Variants in ADAM12 observed in about 807,000 individuals in gnomAD.
The protein encoded by ADAM12 is ADAM metallopeptidase domain 12, also known as disintegrin and metalloproteinase domain-containing protein 12.
A neutral mutation model predicts 106.4 loss-of-function variants in ADAM12; 70 were observed. The ratio of observed to expected loss-of-function variants is 0.66; its 90% CI spans 0.54 to 0.80. The LOEUF (loss-of-function observed/expected upper bound fraction) is 0.80, where lower values mean the gene tolerates loss of function less well. Among genes scored for constraint, ADAM12 ranks in the 30% least tolerant of loss-of-function variants. ADAM12 has a pLI of 0.00. For synonymous variants in ADAM12, 420 were observed against 433.5 expected, an observed-to-expected ratio of 0.97 and a Z score of 0.39; for missense variants, 1,010 against 1,171.9, an observed-to-expected ratio of 0.86 and a Z score of 2.02.
chr10:126,181,948 T>A (rs945235882), intron 3 of ADAM12, among the ~76,000 whole-genome samples: 3 of 152,150 alleles, frequency 2.0e-5, no homozygotes, highest in Non-Finnish European at 2.9e-5. Context: ...CATCCATTAG[T>A]CTGCTGCCTA....
chr10:126,029,765 G>T (rs1454430129), intron 21 of ADAM12, among the ~76,000 whole-genome samples: 1 of 152,194 alleles, frequency 6.6e-6, no homozygotes, highest in African/African-American at 2.4e-5. Flanking sequence ...TCTTAAACCT[G>T]TGAAAAGGTA....
chr10:126,041,315 T>C (rs1171521220), intron 18 of ADAM12: 3 of 985,544 alleles, frequency 3.0e-6, no homozygotes, highest in Non-Finnish European at 3.6e-6. Flanking sequence ...CTTGATTTTA[T>C]ATATGTATGA....
intron 3 of ADAM12, among the ~76,000 whole-genome samples, chr10:126,250,401 T>A (rs1212963122): frequency 6.6e-6 from 1 of 152,174 alleles, no homozygotes; most frequent in Non-Finnish European, 1.5e-5. Flanking sequence ...TGAGCGTGTG[T>A]GTGTGTAGTC....
rs562401613 is a variant in ADAM12 at position 126,187,382 on chromosome 10, G to A, written c.261-32077C>T. Among the ~76,000 whole-genome samples the A allele has an allele frequency of 1.4e-4, 22 of 151,870 alleles. No homozygotes were observed. In the South Asian group the frequency reaches 3.3e-3, roughly 23 times the overall value. ...AAATACCAAGCGGCTTTTTGCTGCT[G>A]GGGGCATTTCAGTAAATGATTTCAA... On this transcript the variant is annotated intron_variant, in intron 3 of 22. Coordinates refer to ENST00000448723, the MANE Select transcript of ADAM12 (RefSeq NM_001288973.2).
chr10:126,233,094 T>A (rs1382299233), intron 3 of ADAM12, among the ~76,000 whole-genome samples: 1 of 152,052 alleles, frequency 6.6e-6, no homozygotes, highest in Non-Finnish European at 1.5e-5. Context: ...TGGGGACAGA[T>A]GTATGTGGGA....
chr10:126,081,934 C>T (rs1955226829), intron 11 of ADAM12, among the ~76,000 whole-genome samples: 1 of 152,128 alleles, frequency 6.6e-6, no homozygotes, highest in Admixed American at 6.6e-5. Context: ...ACTGTAAAAC[C>T]ACAAATACAA....
At chr10:126,367,111 G>A (rs1020767344) in intron 1 of ADAM12, among the ~76,000 whole-genome samples, 1 of 152,044 alleles carries the variant, frequency 6.6e-6, no homozygotes, top group Admixed American at 6.6e-5. Context: ...AACAACAGCA[G>A]ATTTTACATT....
rs112848140 is a variant in ADAM12, at chr10:126,282,267, C to T, written c.187-3279G>A. On this transcript the variant is annotated intron_variant, in intron 2 of 22. Coordinates refer to ENST00000448723, the MANE Select transcript of ADAM12 (RefSeq NM_001288973.2). ...GGCCACACATATGACCTCATTTCAC[C>T]TTAATTGCCTTTTTAAAGGGCCTTT... Among the ~76,000 whole-genome samples the T allele has an allele frequency of 9.1e-3, 1,388 of 152,248 alleles. 31 individuals are homozygous for T. The highest frequency in any genetic ancestry group is 0.032 in the African/African-American group (1,333 of 41,534).
At chr10:126,344,134 C>G (rs1441886682) in intron 1 of ADAM12, among the ~76,000 whole-genome samples, 2 of 152,068 alleles carry the variant, frequency 1.3e-5, no homozygotes, top group Non-Finnish European at 2.9e-5. Context: ...AGGTTTTCTT[C>G]TAGGGTTTTT....
At chr10:126,126,404 T>C (rs1035587294) in intron 5 of ADAM12, among the ~76,000 whole-genome samples, 9 of 152,158 alleles carry the variant, frequency 5.9e-5, no homozygotes, top group African/African-American at 1.9e-4. Context: ...TAAATTGATA[T>C]CTGGCTCCCT....
chr10:126,094,370 CAT>C (rs1246016695), intron 10 of ADAM12, among the ~76,000 whole-genome samples: 2 of 152,158 alleles, frequency 1.3e-5, no homozygotes, highest in Non-Finnish European at 2.9e-5. Context: ...CGCACGTATA[CAT>C]GTGTGATTCT....
chr10:126,062,207 C>G (rs1328085750), intron 14 of ADAM12, among the ~76,000 whole-genome samples: 1 of 152,194 alleles, frequency 6.6e-6, no homozygotes, highest in Non-Finnish European at 1.5e-5. Context: ...AAGATAAAGC[C>G]TCTTCACCAA....
intron 21 of ADAM12, among the ~76,000 whole-genome samples, chr10:126,035,285 CCTA>C (rs1425757699): frequency 1.3e-5 from 2 of 152,074 alleles, no homozygotes; most frequent in Non-Finnish European, 2.9e-5. Flanking sequence ...AAGAATCTCT[CCTA>C]GGGGAATAAA....
At chr10:126,095,517 G>A (rs1199901777) in intron 10 of ADAM12, among the ~76,000 whole-genome samples, 2 of 118,218 alleles carry the variant, frequency 1.7e-5, no homozygotes, top group Non-Finnish European at 3.3e-5. Context: ...CTGGGTGACA[G>A]AGCGAGACTC....
At chr10:126,042,021 T>C (rs978311757) in intron 18 of ADAM12, 23 of 1,473,664 alleles carry the variant, frequency 1.6e-5, no homozygotes, top group Admixed American at 9.4e-5. Flanking sequence ...TCTGTTGTCA[T>C]GGAAACGATG....
intron 1 of ADAM12, 96 bp from the exon 2 acceptor site, chr10:126,330,605 GAAGTTAAAT>G (rs1854478362): frequency 9.1e-7 from 1 of 1,099,972 alleles, no homozygotes; most frequent in Non-Finnish European, 1.3e-6. Context: ...AAAATATTTG[GAAGTTAAAT>G]AAGCCCAGGG....
At chr10:126,358,325 G>T (rs182415505) in intron 1 of ADAM12, among the ~76,000 whole-genome samples, 36 of 152,262 alleles carry the variant, frequency 2.4e-4, no homozygotes, top group Admixed American at 2.1e-3. Context: ...TCCCTGAGAT[G>T]GAAGGATGTT....
chr10:126,200,103 T>C (rs1479803835), intron 3 of ADAM12, among the ~76,000 whole-genome samples: 1 of 152,142 alleles, frequency 6.6e-6, no homozygotes, highest in Non-Finnish European at 1.5e-5. Flanking sequence ...TAGAATATTC[T>C]ATGAATTGGT....
At chr10:126,292,077 G>T (rs566595841) in intron 2 of ADAM12, among the ~76,000 whole-genome samples, 99 of 151,920 alleles carry the variant, frequency 6.5e-4, no homozygotes, top group African/African-American at 2.4e-3. Context: ...GATGCTCGAC[G>T]CCAAATCTCC....
Sources: gnomAD v4.1 joint callset for allele counts (sites outside exome capture counted in the v4.1 genomes callset) on GRCh38, gnomAD v4.1.1 for gene constraint, MANE v1.5 for transcripts, NCBI Gene and HGNC (gene_info 2026-07-23, HGNC 2026-07-21) for gene names.